IKZF3: variants seen among roughly 807,000 people sequenced by gnomAD.
The protein encoded by IKZF3 is zinc finger protein Aiolos.
IKZF3 carries 10 observed loss-of-function variants against 49.0 expected under a neutral mutation model. That is an observed-to-expected ratio of 0.20 (90% CI 0.13 to 0.35). IKZF3 has a LOEUF of 0.35. IKZF3 is among the 10% of genes least tolerant of loss of function. The probability of loss-of-function intolerance (pLI) is 1.00; values close to 1 mark genes in which losing one functional copy is unlikely to be tolerated. For synonymous variants in IKZF3, 209 were observed against 228.2 expected, an observed-to-expected ratio of 0.92 and a Z score of 0.76; for missense variants, 498 against 664.8, an observed-to-expected ratio of 0.75 and a Z score of 2.76.
rs1303405116 is a variant in IKZF3 at position 39,764,600 on chromosome 17, G to A, written c.*1190C>T. 1.3e-5 allele frequency: 2 copies of A among 151,870 alleles called. No individual in the cohort carries two copies. The allele number at this position is 151,870 out of a possible 1,614,324, so 9.4% of individuals were successfully genotyped here. ...CCTCCTGATAGTATGTACATATTATGAGTGACAAGGATGACTTATACATCT... is the reference window on the plus strand; with the variant it reads ...CCTCCTGATAGTATGTACATATTATAAGTGACAAGGATGACTTATACATCT... On this transcript the variant is annotated 3_prime_UTR_variant, in exon 8 of 8. Transcript: ENST00000346872.
chr17:39,775,892 C>G (rs2060570434), intron 7 of IKZF3, among the ~76,000 whole-genome samples: 1 of 151,406 alleles, frequency 6.6e-6, no homozygotes, highest in South Asian at 2.1e-4. Flanking sequence ...CCATTGCACC[C>G]CAGCCTGGGC....
At chr17:39,813,640 A>G (rs1568011197) in intron 3 of IKZF3, among the ~76,000 whole-genome samples, 1 of 152,084 alleles carries the variant, frequency 6.6e-6, no homozygotes, top group Non-Finnish European at 1.5e-5. Context: ...TGATTAAAAA[A>G]AAAAAAAGAT....
At chr17:39,857,595 C>T (rs936258235) in intron 1 of IKZF3, among the ~76,000 whole-genome samples, 2 of 152,104 alleles carry the variant, frequency 1.3e-5, no homozygotes, top group Non-Finnish European at 2.9e-5. Context: ...TGGATTTAGC[C>T]AATACTTCAA....
At position 39,788,320 on chromosome 17, in the gene IKZF3, G is replaced by C; in HGVS notation, c.647C>G (p.Ser216Cys). 1 of 1,613,844 alleles carries C rather than the reference G, an allele frequency of 6.2e-7. No individual in the cohort carries two copies. The highest frequency in any genetic ancestry group is 8.5e-7 in the Non-Finnish European group (1 of 1,179,876). The change falls in exon 6 of 8, where the codon TCC (serine) becomes TGC (cysteine). Residue 216 changes from serine (S) to cysteine (C), a missense_variant. Around this residue, in one of 3 missense-constraint regions of IKZF3, gnomAD observed 84 missense variants for 168.6 expected, o/e 0.50. Transcript: ENST00000346872. ...FCGRSYKQRS[S>C]LEEHKERCRT... ...GCAGCGCTCCTTGTGCTCCTCAAGGGAACTTCTCTGCTTGTAACTCCTTCC... is the reference window on the plus strand; with the variant it reads ...GCAGCGCTCCTTGTGCTCCTCAAGGCAACTTCTCTGCTTGTAACTCCTTCC...
At position 39,765,624 on chromosome 17, in the gene IKZF3, T is replaced by C; in HGVS notation, c.*166A>G. ...ATAATATGCTAGACCTGCGAATAAT[T>C]TCTGAAGGAAGACAGTGTTTCCCTG... On this transcript the variant is annotated 3_prime_UTR_variant, in exon 8 of 8. Transcript: ENST00000346872. 1.8e-6 allele frequency: 1 copy of C among 560,612 alleles called. No homozygotes were observed. Among genetic ancestry groups the C allele is most frequent in the Non-Finnish European group, 3.1e-6 (1 of 318,724 alleles). 34.7% of individuals were successfully genotyped at this position (560,612 alleles called of 1,614,324 possible).
chr17:39,837,811 G>C (rs994311939), intron 1 of IKZF3, among the ~76,000 whole-genome samples: 1 of 151,006 alleles, frequency 6.6e-6, no homozygotes, highest in African/African-American at 2.4e-5. Flanking sequence ...GCTAATTTTT[G>C]TATTTTTTTT....
At chr17:39,849,438 C>T (rs1328647929) in intron 1 of IKZF3, among the ~76,000 whole-genome samples, 2 of 152,026 alleles carry the variant, frequency 1.3e-5, no homozygotes, top group African/African-American at 4.8e-5. Flanking sequence ...GCAGGCGGAT[C>T]ACCTGAGGTC....
intron 1 of IKZF3, among the ~76,000 whole-genome samples, chr17:39,847,323 TATC>T (rs1401823577): frequency 2.0e-5 from 3 of 152,160 alleles, no homozygotes; most frequent in Non-Finnish European, 4.4e-5. Flanking sequence ...TCGAAATTAT[TATC>T]ATAACTAGCT....
chr17:39,842,012 C>A (rs1473538370), intron 1 of IKZF3, among the ~76,000 whole-genome samples: 1 of 128,944 alleles, frequency 7.8e-6, no homozygotes, highest in Non-Finnish European at 1.6e-5. Flanking sequence ...TGCCACTGCA[C>A]TCCAGCCTGG....
rs1201583774 is a variant in IKZF3, at chr17:39,816,863, G to A, written c.163+12524C>T. On this transcript the variant is annotated intron_variant, in intron 3 of 7. Coordinates refer to ENST00000346872, the MANE Select transcript of IKZF3 (RefSeq NM_012481.5). ...CGAGTAGCTGGGATTACAGGCATGC[G>A]CCACCACGCCCAGCTAATTTTTGTA... Among the ~76,000 whole-genome samples the A allele has an allele frequency of 3.3e-5, 5 of 152,058 alleles. No homozygotes were observed. In the East Asian group the frequency reaches 5.8e-4, roughly 18 times the overall value.
intron 1 of IKZF3, chr17:39,836,140 G>T: frequency 1.5e-6 from 1 of 658,270 alleles, no homozygotes. Context: ...AGTGCACACG[G>T]CCTGGATGTT....
intron 3 of IKZF3, among the ~76,000 whole-genome samples, chr17:39,816,418 T>C (rs2061679711): frequency 1.3e-5 from 2 of 152,234 alleles, no homozygotes; most frequent in South Asian, 4.1e-4. Context: ...AAGGGAATTA[T>C]GGCCTGCAGG....
At chr17:39,797,585 G>A (rs1199052010) in intron 3 of IKZF3, among the ~76,000 whole-genome samples, 1 of 151,918 alleles carries the variant, frequency 6.6e-6, no homozygotes, top group African/African-American at 2.4e-5. Context: ...ACCACACCTG[G>A]CTAATTTCTG....
intron 3 of IKZF3, among the ~76,000 whole-genome samples, chr17:39,812,169 C>T (rs112325627): frequency 1.3e-5 from 2 of 152,268 alleles, no homozygotes; most frequent in Middle Eastern, 3.4e-3. Flanking sequence ...ATATGACCCC[C>T]ATATTTTACA....
intron 1 of IKZF3, among the ~76,000 whole-genome samples, chr17:39,837,312 T>C (rs2062319198): frequency 6.6e-6 from 1 of 152,204 alleles, no homozygotes; most frequent in African/African-American, 2.4e-5. Flanking sequence ...ACTTTAGCAT[T>C]TTTAATAGTG....
At chr17:39,816,833 C>G (rs1438991118) in intron 3 of IKZF3, among the ~76,000 whole-genome samples, 1 of 152,232 alleles carries the variant, frequency 6.6e-6, no homozygotes, top group East Asian at 1.9e-4. Context: ...CCCACCTCAG[C>G]CTCCCGAGTA....
chr17:39,839,384 G>C (rs1391984466), intron 1 of IKZF3: 2 of 601,204 alleles, frequency 3.3e-6, no homozygotes, highest in Non-Finnish European at 6.3e-6. Flanking sequence ...GACTCAGCTT[G>C]GTTCTTTTCC....
At chr17:39,836,391 G>A (rs1389153772) in intron 1 of IKZF3, among the ~76,000 whole-genome samples, 1 of 152,236 alleles carries the variant, frequency 6.6e-6, no homozygotes, top group Non-Finnish European at 1.5e-5. Flanking sequence ...ACACCCTGTA[G>A]AACTTCTGGG....
rs74317170 is a variant in IKZF3, at chr17:39,768,789, A to C, written c.827-2296T>G. On this transcript the variant is annotated intron_variant, in intron 7 of 7. Coordinates refer to ENST00000346872, the MANE Select transcript of IKZF3 (RefSeq NM_012481.5). ...TTTTTCTAAAATAAATGTGGTTTTTAAGGAAACTTTATATCACTAACATAA... is the reference window on the plus strand; with the variant it reads ...TTTTTCTAAAATAAATGTGGTTTTTCAGGAAACTTTATATCACTAACATAA... Among the ~76,000 whole-genome samples, 1,034 of 152,190 alleles carry C rather than the reference A, an allele frequency of 6.8e-3. 13 individuals are homozygous for C. The highest frequency in any genetic ancestry group is 0.024 in the African/African-American group (989 of 41,498).
Sources: allele counts gnomAD v4.1 joint callset (sites outside exome capture counted in the v4.1 genomes callset), GRCh38; gene constraint gnomAD v4.1.1; regional missense constraint gnomAD v4.1.1; transcripts MANE v1.5; gene names NCBI Gene and HGNC (gene_info 2026-07-23, HGNC 2026-07-21).